Variants in LRRK2 observed in about 807,000 individuals in gnomAD.
LRRK2 encodes leucine rich repeat kinase 2.
Under a neutral mutation model 302.6 loss-of-function variants are expected in LRRK2, and 203 were observed. That is an observed-to-expected ratio of 0.67 (90% confidence interval 0.60 to 0.75). LRRK2 has a LOEUF of 0.75. Among genes scored for constraint, LRRK2 ranks in the 30% least tolerant of loss-of-function variants. LRRK2 has a pLI of 0.00. For missense variants in LRRK2, 2,830 were observed against 2,951.0 expected, an observed-to-expected ratio of 0.96 and a Z score of 0.95; for synonymous variants, 1,066 against 1,031.9, an observed-to-expected ratio of 1.03 and a Z score of -0.63.
At position 40,308,705 on chromosome 12, in the gene LRRK2, T is replaced by G. The variant is rs1247135832; in HGVS notation, c.4189+9T>G. Reference sequence around the variant, plus strand: ...TGTGTGGGATTTTGCAGGTATTTCTTTCTATAGAATTTTAAAATTCACTTT... The same window carrying G: ...TGTGTGGGATTTTGCAGGTATTTCTGTCTATAGAATTTTAAAATTCACTTT... On this transcript the variant is annotated intron_variant, in intron 29 of 50. Transcript: ENST00000298910. 1 of 1,610,716 alleles carries G rather than the reference T, an allele frequency of 6.2e-7. No homozygotes were observed. The highest frequency in any genetic ancestry group is 1.7e-5 in the Admixed American group (1 of 59,988).
intron 43 of LRRK2, among the ~76,000 whole-genome samples, chr12:40,350,398 T>C (rs977026653): frequency 6.6e-6 from 1 of 152,240 alleles, no homozygotes; most frequent in Non-Finnish European, 1.5e-5. Context: ...TAATTCCTTA[T>C]GGTGTCAGAT....
At chr12:40,340,647 AT>A (rs1328051666) in intron 41 of LRRK2, among the ~76,000 whole-genome samples, 193 bp downstream of exon 41, 2 of 152,326 alleles carry the variant, frequency 1.3e-5, no homozygotes, top group African/African-American at 2.4e-5. Context: ...AATTGATGTA[AT>A]TTTTCAGGGC....
chr12:40,321,227 T>A (rs1424565244), intron 35 of LRRK2, 39 bp downstream of exon 35: 39 of 1,572,136 alleles, frequency 2.5e-5, no homozygotes, highest in Non-Finnish European at 3.4e-5. Context: ...TTTTAGAGAC[T>A]ATTAATTTAG....
In LRRK2 at chr12:40,322,362, C is replaced by T; in HGVS notation, c.5361C>T (p.Leu1787=). Residue 1787 remains leucine, a synonymous_variant, in exon 37 of 51, where the codon CTC becomes CTT. Transcript: ENST00000298910. ...LGQVVDHIDS[L]MEEWFPGLLE... Reference sequence around the variant, plus strand: ...AAGTTGTGGACCACATTGATTCTCTCATGGAAGAATGGTTTCCTGGGTTGC... The same window carrying T: ...AAGTTGTGGACCACATTGATTCTCTTATGGAAGAATGGTTTCCTGGGTTGC... 3 of 1,613,600 alleles carry T rather than the reference C, an allele frequency of 1.9e-6. No individual in the cohort carries two copies. Among genetic ancestry groups the T allele is most frequent in the Non-Finnish European group, 2.5e-6 (3 of 1,179,678 alleles).
In LRRK2 at chr12:40,368,015, A is replaced by G. The variant is rs2137061742; in HGVS notation, c.*250A>G. 4.1e-6 allele frequency: 1 copy of G among 242,140 alleles called. No individual in the cohort carries two copies. Among genetic ancestry groups the G allele is most frequent in the East Asian group, 8.7e-5 (1 of 11,462 alleles). 15.0% of individuals were successfully genotyped at this position (242,140 alleles called of 1,614,324 possible). A position where few individuals can be genotyped will look rare whatever the true frequency, so the allele number is the denominator to read the frequency against. The stretch of plus-strand genomic sequence containing the variant: ...AGTTACTTTCGTTCATTAATTAATG[A>G]AAATAAATCTGTGAAGTACCTAATT... On this transcript the variant is annotated 3_prime_UTR_variant, in exon 51 of 51. Coordinates refer to ENST00000298910, the MANE Select transcript of LRRK2 (RefSeq NM_198578.4).
At chr12:40,315,994 G>T (rs533665215) in intron 33 of LRRK2, among the ~76,000 whole-genome samples, 1 of 151,878 alleles carries the variant, frequency 6.6e-6, no homozygotes, top group South Asian at 2.1e-4. Flanking sequence ...CAGCATTTTT[G>T]GCCTTTATAT....
In LRRK2 at chr12:40,285,122, C is replaced by T. The variant is rs1014393175; in HGVS notation, c.2500+989C>T. 2.6e-5 allele frequency among the ~76,000 whole-genome samples: 4 copies of T among 152,066 alleles called. No individual in the cohort carries two copies. The South Asian group carries it at 6.2e-4, about 24-fold the overall frequency. On this transcript the variant is annotated intron_variant, in intron 19 of 50. Transcript: ENST00000298910. The stretch of plus-strand genomic sequence containing the variant: ...CAGTCTTTTTCCAGTGTTACTCTCT[C>T]TCTACCTAGCTCTAAATTCTCTCTT...
At chr12:40,310,404 A>G (rs201281473) in intron 30 of LRRK2, 27 bp from the exon 31 acceptor site, 12 of 1,610,098 alleles carry the variant, frequency 7.5e-6, no homozygotes, top group Non-Finnish European at 8.5e-6. Context: ...AAGCAAACAC[A>G]AGAGGGTTTT....
chr12:40,355,835 C>T (rs575297724), intron 45 of LRRK2, among the ~76,000 whole-genome samples: 22 of 152,212 alleles, frequency 1.4e-4, no homozygotes, highest in South Asian at 2.1e-4. Context: ...TGAGCCACCA[C>T]GCCAGGCCTC....
chr12:40,296,251 T>A (rs1385220538), intron 23 of LRRK2, among the ~76,000 whole-genome samples: 2 of 152,212 alleles, frequency 1.3e-5, no homozygotes, highest in Non-Finnish European at 2.9e-5. Context: ...TGCTCACCAT[T>A]TGTATGTACT....
intron 38 of LRRK2, among the ~76,000 whole-genome samples, chr12:40,325,346 G>A (rs1291385924): frequency 6.6e-6 from 1 of 152,120 alleles, no homozygotes; most frequent in Non-Finnish European, 1.5e-5. Flanking sequence ...AAATGTTTGT[G>A]ATTACTCTCC....
intron 13 of LRRK2, among the ~76,000 whole-genome samples, chr12:40,262,267 G>A (rs1942805021): frequency 6.6e-6 from 1 of 152,084 alleles, no homozygotes; most frequent in African/African-American, 2.4e-5. Flanking sequence ...ATTAGGCATT[G>A]TTTGAAGTAT....
intron 27 of LRRK2, 147 bp downstream of exon 27, chr12:40,304,281 C>T (rs1365955556): frequency 1.4e-6 from 1 of 717,472 alleles, no homozygotes; most frequent in Non-Finnish European, 2.2e-6. Context: ...ACTATAAATC[C>T]AGATTTCCAT....
intron 35 of LRRK2, among the ~76,000 whole-genome samples, 167 bp downstream of exon 35, chr12:40,321,355 T>C (rs903349177): frequency 1.3e-5 from 2 of 151,994 alleles, no homozygotes; most frequent in Admixed American, 1.3e-4. Context: ...CATAAAACCT[T>C]GGAGTAGGCA....
intron 27 of LRRK2, chr12:40,304,867 G>A (rs1328833453): frequency 1.3e-5 from 2 of 152,056 alleles, no homozygotes; most frequent in African/African-American, 4.8e-5. Flanking sequence ...TACTTTTAAA[G>A]GATTATATGA....
At chr12:40,235,870 A>G (rs1941439919) in intron 4 of LRRK2, among the ~76,000 whole-genome samples, 156 bp downstream of exon 4, 1 of 145,150 alleles carries the variant, frequency 6.9e-6, no homozygotes, top group Non-Finnish European at 1.5e-5. Flanking sequence ...CTGTTTTTAG[A>G]CCTAGTGATG....
At chr12:40,259,425 T>G in intron 12 of LRRK2, 55 bp from the exon 13 acceptor site, 1 of 1,608,136 alleles carries the variant, frequency 6.2e-7, no homozygotes, top group Non-Finnish European at 8.5e-7. Flanking sequence ...ATTTGGTGTT[T>G]ATACCATTGA....
In LRRK2 at chr12:40,251,340, C is replaced by T. The variant is rs746566804; in HGVS notation, c.1067C>T (p.Ala356Val). 6.2e-7 allele frequency: 1 copy of T among 1,613,782 alleles called. No individual in the cohort carries two copies. Among genetic ancestry groups the T allele is most frequent in the East Asian group, 2.2e-5 (1 of 44,850 alleles). ...KLFWLEACYK[A>V]LTWHRKNKHV... ...TTTTGGCTGGAAGCCTGTTACAAAG[C>T]ATTAACGTGGCATAGAAAGAACAAG... Residue 356 changes from alanine (A) to valine (V), a missense_variant, in exon 9 of 51, where the codon GCA (alanine) becomes GTA (valine). Transcript: ENST00000298910.
chr12:40,309,714 C>G (rs1043878134), intron 30 of LRRK2, among the ~76,000 whole-genome samples: 1 of 151,870 alleles, frequency 6.6e-6, no homozygotes, highest in African/African-American at 2.4e-5. Context: ...TCTATCTTTT[C>G]CTTTGTTGTC....
Sources: allele counts gnomAD v4.1 joint callset (sites outside exome capture counted in the v4.1 genomes callset), GRCh38; gene constraint gnomAD v4.1.1; transcripts MANE v1.5; gene names NCBI Gene and HGNC (gene_info 2026-07-23, HGNC 2026-07-21).